Variants in COL24A1 observed in about 807,000 individuals in gnomAD.
COL24A1 encodes the protein collagen alpha-1(XXIV) chain.
In COL24A1, 224 loss-of-function variants were observed where a neutral mutation model predicts 253.9. The observed-to-expected ratio is 0.88, with a 90% confidence interval of 0.79 to 0.99. The LOEUF (loss-of-function observed/expected upper bound fraction) is 0.99. COL24A1 is among the 50% of genes least tolerant of loss of function. The pLI, the probability that COL24A1 is intolerant of heterozygous loss-of-function variation, is 0.00. For synonymous variants in COL24A1, 685 were observed against 673.7 expected, an observed-to-expected ratio of 1.02 and a Z score of -0.26; for missense variants, 2,131 against 2,068.5, an observed-to-expected ratio of 1.03 and a Z score of -0.59.
intron 47 of COL24A1, among the ~76,000 whole-genome samples, chr1:85,805,736 T>C (rs1671888704): frequency 6.6e-6 from 1 of 152,186 alleles, no homozygotes; most frequent in South Asian, 2.1e-4. Context: ...GTTCTAAGCA[T>C]TGTATGAATT....
chr1:86,033,836 A>AGAAT, intron 13 of COL24A1, 34 bp downstream of exon 13: 1 of 1,586,670 alleles, frequency 6.3e-7, no homozygotes, highest in Non-Finnish European at 8.6e-7. Flanking sequence ...GAATGATGTT[A>AGAAT]GAATGCAAGG....
rs1351676213 is a variant in COL24A1, at chr1:86,125,890, T to A, written c.446A>T (p.Lys149Met). 6.2e-7 allele frequency: 1 copy of A among 1,613,286 alleles called. No individual in the cohort carries two copies. The highest frequency in any genetic ancestry group is 2.2e-5 in the East Asian group (1 of 44,842). Residue 149 changes from lysine to methionine, a missense_variant, in exon 3 of 60, where the codon AAG becomes ATG. Lys to Met is a moderately conservative substitution (Grantham distance 95). Coordinates refer to ENST00000370571, the MANE Select transcript of COL24A1 (RefSeq NM_152890.7). The part of the protein sequence containing the change: ...PKKLVVHIRG[K>M]QPAVFNYSVH... ...ACTGTAGTTGAAAACTGCAGGCTGC[T>A]TTCCTCTAATGTGTACTACTAATTT...
At chr1:85,773,813 C>T (rs1010744708) in intron 53 of COL24A1, among the ~76,000 whole-genome samples, 1 of 152,148 alleles carries the variant, frequency 6.6e-6, no homozygotes, top group Non-Finnish European at 1.5e-5. Context: ...ATGTCATCTG[C>T]TAATGGAGAC....
chr1:86,022,415 C>A, intron 17 of COL24A1, 122 bp from the exon 18 acceptor site: 2 of 1,365,482 alleles, frequency 1.5e-6, no homozygotes, highest in Admixed American at 1.9e-5. Context: ...AAGTTTCAAA[C>A]AAGAACTTAA....
intron 24 of COL24A1, among the ~76,000 whole-genome samples, chr1:85,913,453 T>C (rs555285196): frequency 1.3e-5 from 2 of 152,294 alleles, no homozygotes; most frequent in East Asian, 3.9e-4. Flanking sequence ...CTATTACCCC[T>C]AGTCATCCAC....
At chr1:85,996,615 G>T (rs567009604) in intron 19 of COL24A1, among the ~76,000 whole-genome samples, 1 of 152,022 alleles carries the variant, frequency 6.6e-6, no homozygotes, top group African/African-American at 2.4e-5. Flanking sequence ...CAGCCTGGGC[G>T]ACAGAGGGAG....
intron 43 of COL24A1, among the ~76,000 whole-genome samples, chr1:85,829,725 G>C (rs1674923847): frequency 6.6e-6 from 1 of 151,968 alleles, no homozygotes; most frequent in African/African-American, 2.4e-5. Flanking sequence ...GGCCTCCTGA[G>C]GCTTCTGCAT....
At chr1:86,077,940 A>G (rs544921822) in intron 7 of COL24A1, among the ~76,000 whole-genome samples, 1 of 152,242 alleles carries the variant, frequency 6.6e-6, no homozygotes, top group East Asian at 1.9e-4. Context: ...TATGTAACAA[A>G]CCTGCACATT....
chr1:86,022,654 AG>A (rs1161341116), intron 16 of COL24A1, 63 bp from the exon 17 acceptor site: 22 of 1,501,564 alleles, frequency 1.5e-5, no homozygotes, highest in Non-Finnish European at 1.9e-5. Context: ...ATTATAAGAA[AG>A]CAAATATTCA....
chr1:85,783,505 A>G lies in COL24A1; in HGVS notation c.4275T>C (p.Ile1425=). 1 of 1,613,324 alleles carries G rather than the reference A, an allele frequency of 6.2e-7. No individual in the cohort carries two copies. Among genetic ancestry groups the G allele is most frequent in the Non-Finnish European group, 8.5e-7 (1 of 1,179,432 alleles). The change falls in exon 51 of 60, where the codon ATT becomes ATC. Residue 1425 remains isoleucine (I), a synonymous_variant. Coordinates refer to ENST00000370571, the MANE Select transcript of COL24A1 (RefSeq NM_152890.7). ...IVGISGPKGP[I]GHRGNTGPLG... Reference sequence around the variant, plus strand: ...ATGACTTTACACTTACTCTGTGTCCAATAGGACCTTTAGGACCTGATATCC... The same window carrying G: ...ATGACTTTACACTTACTCTGTGTCCGATAGGACCTTTAGGACCTGATATCC...
At chr1:85,879,046 T>G (rs975431460) in intron 32 of COL24A1, among the ~76,000 whole-genome samples, 3 of 152,194 alleles carry the variant, frequency 2.0e-5, no homozygotes, top group Admixed American at 1.3e-4. Context: ...TTCATTCTCT[T>G]AACAGTGTTT....
chr1:85,788,718 A>G (rs912656665), intron 47 of COL24A1, among the ~76,000 whole-genome samples: 5 of 152,190 alleles, frequency 3.3e-5, no homozygotes, highest in Non-Finnish European at 7.3e-5. Flanking sequence ...TCTTTAATCC[A>G]TCATGAGTTA....
chr1:86,124,789 G>T, intron 3 of COL24A1, 56 bp downstream of exon 3: 1 of 1,319,764 alleles, frequency 7.6e-7, no homozygotes, highest in Non-Finnish European at 1.0e-6. Context: ...GTATTTTAAA[G>T]AGAGTTTAAA....
intron 22 of COL24A1, 136 bp downstream of exon 22, chr1:85,970,091 T>G (rs981368215): frequency 3.1e-5 from 22 of 720,478 alleles, no homozygotes; most frequent in Non-Finnish European, 4.4e-5. Context: ...TATTTTATTT[T>G]GGGGCATTTT....
intron 47 of COL24A1, among the ~76,000 whole-genome samples, chr1:85,803,368 T>C (rs1289177852): frequency 6.7e-6 from 1 of 149,880 alleles, no homozygotes; most frequent in Non-Finnish European, 1.5e-5. Flanking sequence ...AGGTGGAGGT[T>C]GCAGTGAGCT....
Position 85,838,600 on chromosome 1 carries a change from T to C in COL24A1, c.3666A>G (p.Gly1222=). The C allele has an allele frequency of 6.2e-7, 1 of 1,613,906 alleles. No individual in the cohort carries two copies. Among genetic ancestry groups the C allele is most frequent in the South Asian group, 1.1e-5 (1 of 91,076 alleles). ...TTGCAATTACCTTATATCCCTCTGC[T>C]CCAGGCTCTCCTCTCTCTCCTTGGT... The part of the protein sequence containing the change: ...VGDQGERGEP[G]AEGYKGHVGV... The change falls in exon 43 of 60, where the codon GGA becomes GGG. Residue 1222 remains glycine, a synonymous_variant. Coordinates refer to ENST00000370571, the MANE Select transcript of COL24A1 (RefSeq NM_152890.7).
At chr1:85,856,484 C>T (rs764533601) in intron 37 of COL24A1, among the ~76,000 whole-genome samples, 37 of 152,118 alleles carry the variant, frequency 2.4e-4, no homozygotes, top group Non-Finnish European at 4.4e-4. Flanking sequence ...TGATTAATTT[C>T]CATTTAATGG....
At chr1:85,805,170 G>T (rs1671833537) in intron 47 of COL24A1, among the ~76,000 whole-genome samples, 1 of 152,170 alleles carries the variant, frequency 6.6e-6, no homozygotes, top group Admixed American at 6.6e-5. Flanking sequence ...AGAAATTTTA[G>T]ATGTATTCCC....
chr1:86,088,535 T>G (rs1341740802), intron 7 of COL24A1, among the ~76,000 whole-genome samples: 3 of 152,144 alleles, frequency 2.0e-5, no homozygotes, highest in African/African-American at 7.2e-5. Context: ...AAAGATATAT[T>G]TTATAAAATA....
Sources: gnomAD v4.1 joint callset for allele counts (sites outside exome capture counted in the v4.1 genomes callset) on GRCh38, gnomAD v4.1.1 for gene constraint, MANE v1.5 for transcripts, NCBI Gene and HGNC (gene_info 2026-07-23, HGNC 2026-07-21) for gene names.